Variants in PCDH15 observed in about 807,000 individuals in gnomAD.
PCDH15 encodes the protein protocadherin related 15, also known as protocadherin-15.
Under a neutral mutation model 178.5 loss-of-function variants are expected in PCDH15, and 129 were observed. That is an observed-to-expected ratio of 0.72 (90% confidence interval 0.63 to 0.84). The LOEUF (loss-of-function observed/expected upper bound fraction) is 0.84. PCDH15 is among the 40% of genes least tolerant of loss of function. The pLI is 0.00. For missense variants in PCDH15, 2,230 were observed against 2,099.9 expected, an observed-to-expected ratio of 1.06 and a Z score of -1.21; for synonymous variants, 800 against 732.0, an observed-to-expected ratio of 1.09 and a Z score of -1.50.
chr10:54,509,244 A>G (rs2081429972), intron 3 of PCDH15, among the ~76,000 whole-genome samples: 1 of 151,838 alleles, frequency 6.6e-6, no homozygotes, highest in African/African-American at 2.4e-5. Context: ...TGTGGGAGGG[A>G]CCCAGTGGGA....
intron 2 of PCDH15, among the ~76,000 whole-genome samples, chr10:55,032,378 A>T (rs868053504): frequency 6.6e-6 from 1 of 152,218 alleles, no homozygotes; most frequent in Non-Finnish European, 1.5e-5. Context: ...GATACCAGGG[A>T]TTTGTTAACT....
intron 3 of PCDH15, among the ~76,000 whole-genome samples, chr10:54,468,952 G>A (rs1385287680): frequency 6.6e-6 from 1 of 151,914 alleles, no homozygotes; most frequent in African/African-American, 2.4e-5. Flanking sequence ...TGATATAACT[G>A]TAGCTACTCC....
intron 3 of PCDH15, among the ~76,000 whole-genome samples, chr10:54,415,363 A>C (rs1167550164): frequency 6.6e-6 from 1 of 152,044 alleles, no homozygotes; most frequent in Non-Finnish European, 1.5e-5. Flanking sequence ...AATTGAAGAA[A>C]TTTTTAAAAA....
intron 8 of PCDH15, among the ~76,000 whole-genome samples, chr10:54,307,992 T>C (rs1002578827): frequency 6.6e-6 from 1 of 152,072 alleles, no homozygotes. Flanking sequence ...ATAAATCTTC[T>C]TTTATAGTAG....
At chr10:55,131,128 A>T (rs1838030481) in intron 2 of PCDH15, among the ~76,000 whole-genome samples, 2 of 152,194 alleles carry the variant, frequency 1.3e-5, no homozygotes, top group Non-Finnish European at 2.9e-5. Flanking sequence ...TATGGCATGT[A>T]TCCACCATTA....
chr10:55,185,354 T>C lies in PCDH15; in HGVS notation c.-155-18703A>G, dbSNP rs138888503. Among the ~76,000 whole-genome samples the C allele has an allele frequency of 6.2e-3, 939 of 151,854 alleles. 9 individuals carry two copies. Among genetic ancestry groups the C allele is most frequent in the South Asian group, 0.02 (97 of 4,824 alleles). ...GTAAATGATGTTGCATGTCTTAAAA[T>C]GTTATTGAAACTTTCTATAAACTAG... On this transcript the variant is annotated intron_variant, in intron 1 of 5. Transcript: ENST00000458638.
intron 2 of PCDH15, among the ~76,000 whole-genome samples, chr10:54,600,967 CA>C (rs1237684629): frequency 1.3e-5 from 2 of 151,884 alleles, no homozygotes; most frequent in Admixed American, 6.6e-5. Context: ...TGTAAAGTAC[CA>C]ACTGAGCCAA....
intron 8 of PCDH15, among the ~76,000 whole-genome samples, chr10:54,279,784 T>C (rs1020303636): frequency 5.3e-5 from 8 of 151,862 alleles, no homozygotes; most frequent in African/African-American, 1.7e-4. Flanking sequence ...TTTTAACCTT[T>C]TCATGCTTCA....
chr10:53,904,289 G>A (rs2082523326), intron 25 of PCDH15, among the ~76,000 whole-genome samples: 3 of 152,006 alleles, frequency 2.0e-5, no homozygotes, highest in South Asian at 2.1e-4. Context: ...GGCAATTAAC[G>A]TACATACTAT....
At chr10:54,485,497 T>C (rs1471650461) in intron 3 of PCDH15, among the ~76,000 whole-genome samples, 1 of 151,980 alleles carries the variant, frequency 6.6e-6, no homozygotes, top group Non-Finnish European at 1.5e-5. Context: ...GCTTGCTACA[T>C]TTCAAATTTG....
intron 2 of PCDH15, among the ~76,000 whole-genome samples, chr10:55,503,791 A>G (rs1444408259): frequency 2.0e-5 from 3 of 151,502 alleles, no homozygotes; most frequent in Non-Finnish European, 4.4e-5. Flanking sequence ...TCAAGGAGTA[A>G]AAGGAATTAT....
intron 3 of PCDH15, among the ~76,000 whole-genome samples, chr10:54,447,298 A>G (rs1249837979): frequency 7.9e-5 from 12 of 151,586 alleles, no homozygotes; most frequent in Admixed American, 3.3e-4. Context: ...ATTGTTATTC[A>G]CTGTAGTCAC....
chr10:55,584,240 T>C (rs2132123916), intron 2 of PCDH15, among the ~76,000 whole-genome samples: 1 of 152,152 alleles, frequency 6.6e-6, no homozygotes, highest in East Asian at 1.9e-4. Context: ...TGATCTTACA[T>C]CTGCTAGATG....
At chr10:54,291,842 C>A (rs2059432140) in intron 8 of PCDH15, among the ~76,000 whole-genome samples, 1 of 152,052 alleles carries the variant, frequency 6.6e-6, no homozygotes, top group South Asian at 2.1e-4. Context: ...GCCTATCAAC[C>A]AAAAAAGGTC....
At chr10:55,141,569 A>T (rs1160839241) in intron 2 of PCDH15, among the ~76,000 whole-genome samples, 1 of 152,098 alleles carries the variant, frequency 6.6e-6, no homozygotes, top group African/African-American at 2.4e-5. Flanking sequence ...ATAATTTCAA[A>T]TGACAATGCT....
chr10:54,274,654 G>C (rs879713046), intron 8 of PCDH15, among the ~76,000 whole-genome samples: 1 of 143,564 alleles, frequency 7.0e-6, no homozygotes, highest in African/African-American at 2.7e-5. Flanking sequence ...GTGTGTGTGT[G>C]TGTCTAAAGT....
At chr10:54,796,942 C>A (rs78937641) in intron 1 of PCDH15, among the ~76,000 whole-genome samples, 5,952 of 152,034 alleles carry the variant, frequency 0.039, 341 homozygotes, top group African/African-American at 0.13. Context: ...CTTGGATAAA[C>A]AATTTGCATT....
chr10:55,562,759 G>T (rs926593168), intron 2 of PCDH15, among the ~76,000 whole-genome samples: 30 of 151,800 alleles, frequency 2.0e-4, no homozygotes, highest in African/African-American at 7.0e-4. Context: ...TATAAATTTT[G>T]GTTTACATAA....
chr10:55,186,057 G>A (rs1398032898), intron 1 of PCDH15, among the ~76,000 whole-genome samples: 1 of 151,536 alleles, frequency 6.6e-6, no homozygotes, highest in African/African-American at 2.4e-5. Flanking sequence ...AAGTCATCAA[G>A]GATGTCAACA....
Sources: gnomAD v4.1 joint callset for allele counts (sites outside exome capture counted in the v4.1 genomes callset) on GRCh38, gnomAD v4.1.1 for gene constraint, MANE v1.5 for transcripts, NCBI Gene and HGNC (gene_info 2026-07-23, HGNC 2026-07-21) for gene names.